The following CHRM2 variants were observed in gnomAD, a reference collection of about 807,000 sequenced individuals.
The protein encoded by CHRM2 is muscarinic acetylcholine receptor M2.
In CHRM2, 8 loss-of-function variants were observed where a neutral mutation model predicts 25.0. That is an observed-to-expected ratio of 0.32 (90% CI 0.19 to 0.58). CHRM2 has a LOEUF of 0.58. CHRM2 is among the 20% of genes least tolerant of loss of function. The pLI, the probability that CHRM2 is intolerant of heterozygous loss-of-function variation, is 0.88. For missense variants in CHRM2, 440 were observed against 567.1 expected, an observed-to-expected ratio of 0.78 and a Z score of 2.28; for synonymous variants, 202 against 205.7, an observed-to-expected ratio of 0.98 and a Z score of 0.15.
chr7:136,953,252 TA>T (rs1563087014), intron 2 of CHRM2, among the ~76,000 whole-genome samples: 1 of 152,148 alleles, frequency 6.6e-6, no homozygotes, highest in Non-Finnish European at 1.5e-5. Flanking sequence ...TCTGACTGTT[TA>T]GAGACTGAGC....
rs1408850981 is a variant in CHRM2 at position 137,016,168 on chromosome 7, A to G, written c.1303A>G (p.Ile435Val). ...GYWLCYINST[I>V]NPACYALCNA... ...CTGGCTTTGTTACATCAACAGCACT[A>G]TCAACCCTGCCTGCTATGCACTTTG... The change falls in exon 4 of 4, where the codon ATC (isoleucine) becomes GTC (valine). Residue 435 changes from isoleucine (I) to valine (V), a missense_variant. Transcript: ENST00000680005. The G allele has an allele frequency of 2.5e-6, 4 of 1,612,970 alleles. No homozygotes were observed. The highest frequency in any genetic ancestry group is 3.4e-6 in the Non-Finnish European group (4 of 1,179,366).
At chr7:136,920,907 G>A (rs981752283) in intron 2 of CHRM2, among the ~76,000 whole-genome samples, 1 of 152,056 alleles carries the variant, frequency 6.6e-6, no homozygotes, top group Non-Finnish European at 1.5e-5. Context: ...ACGTGTGAGA[G>A]GGAGGATATT....
rs542648184 is a variant in CHRM2 at position 137,001,626 on chromosome 7, C to A, written c.-47+9362C>A. Among the ~76,000 whole-genome samples the A allele has an allele frequency of 1.4e-4, 21 of 152,132 alleles. No homozygotes were observed. The South Asian group carries it at 2.7e-3, about 20-fold the overall frequency. On this transcript the variant is annotated intron_variant, in intron 3 of 3. Transcript: ENST00000680005. Reference sequence around the variant, plus strand: ...ATTTAGGGCTAGGATGAGATTTGGCCGTGGCACACTGGAGAGGGCCTTCTC... The same window carrying A: ...ATTTAGGGCTAGGATGAGATTTGGCAGTGGCACACTGGAGAGGGCCTTCTC...
At chr7:136,885,183 C>T (rs1796415360) in intron 2 of CHRM2, among the ~76,000 whole-genome samples, 1 of 152,230 alleles carries the variant, frequency 6.6e-6, no homozygotes, top group Non-Finnish European at 1.5e-5. Flanking sequence ...AATTCTGTGA[C>T]AGTTTATCAT....
At chr7:136,960,553 GTTAACTATAAGTTGTAGAGTAACTGC>G (rs1387952876) in intron 2 of CHRM2, among the ~76,000 whole-genome samples, 1 of 152,222 alleles carries the variant, frequency 6.6e-6, no homozygotes, top group African/African-American at 2.4e-5. Flanking sequence ...AGTAGACTAA[GTTAACTATAAGTTGTAGAGTAACTGC>G]TTAACTATAA....
intron 3 of CHRM2, among the ~76,000 whole-genome samples, chr7:137,000,561 A>AAGGC (rs1803948763): frequency 6.7e-6 from 1 of 148,686 alleles, no homozygotes; most frequent in Admixed American, 6.7e-5. Flanking sequence ...GGAAGGAAGG[A>AAGGC]AGGAAGGAAG....
chr7:136,887,882 G>A (rs1020853784), intron 2 of CHRM2, among the ~76,000 whole-genome samples: 9 of 152,122 alleles, frequency 5.9e-5, no homozygotes, highest in African/African-American at 1.2e-4. Flanking sequence ...CAGATGTGAA[G>A]AGAAAAAGTT....
chr7:136,880,319 C>G (rs1364494), intron 2 of CHRM2, among the ~76,000 whole-genome samples: 48,537 of 151,608 alleles, frequency 0.32, 8,201 homozygotes, highest in African/African-American at 0.4. Context: ...CAGTTTATCC[C>G]CTAAGACTTG....
chr7:136,929,446 C>T (rs1157236169), intron 2 of CHRM2, among the ~76,000 whole-genome samples: 4 of 152,168 alleles, frequency 2.6e-5, no homozygotes, highest in Middle Eastern at 3.4e-3. Context: ...TTGCTGCCTC[C>T]TACCTCTACT....
chr7:136,948,800 C>G (rs1800219354), intron 2 of CHRM2, among the ~76,000 whole-genome samples: 1 of 152,046 alleles, frequency 6.6e-6, no homozygotes, highest in African/African-American at 2.4e-5. Context: ...GTCTTCTCTT[C>G]CACCACAGCT....
intron 2 of CHRM2, among the ~76,000 whole-genome samples, chr7:136,990,542 GCTTGATAACTTA>G (rs1803155747): frequency 6.6e-6 from 1 of 151,952 alleles, no homozygotes. Flanking sequence ...TCTTTTCATG[GCTTGATAACTTA>G]CTTGTTTTTA....
intron 2 of CHRM2, among the ~76,000 whole-genome samples, chr7:136,893,181 C>T (rs1319495546): frequency 3.3e-5 from 5 of 152,240 alleles, no homozygotes; most frequent in African/African-American, 9.6e-5. Context: ...CCACACTACC[C>T]GCTTCCTGTC....
Position 136,916,903 on chromosome 7 carries a change from C to T in CHRM2, c.-125+47485C>T, listed in dbSNP as rs555545628. ...ATATGTGTATACTTTCTTTAGTTAT[C>T]GAGAAACTTAGTCTCAGATCTCAGT... On this transcript the variant is annotated intron_variant, in intron 2 of 3. Coordinates refer to ENST00000680005, the MANE Select transcript of CHRM2 (RefSeq NM_001006630.2). 3.3e-5 allele frequency among the ~76,000 whole-genome samples: 5 copies of T among 151,294 alleles called. No individual in the cohort carries two copies. The South Asian group carries it at 8.3e-4, about 25-fold the overall frequency.
At position 136,879,192 on chromosome 7, in the gene CHRM2, A is replaced by G. The variant is rs549755839; in HGVS notation, c.-125+9774A>G. Among the ~76,000 whole-genome samples the G allele has an allele frequency of 6.6e-5, 10 of 152,098 alleles. No homozygotes were observed. In the South Asian group the frequency reaches 1.9e-3, roughly 28 times the overall value. ...CAGGTATGAAATTTCCAAGGCATAC[A>G]ATATTTATTGATGTTTATATAACAT... On this transcript the variant is annotated intron_variant, in intron 2 of 3. Transcript: ENST00000680005.
chr7:136,957,991 A>G (rs538551275), intron 2 of CHRM2, among the ~76,000 whole-genome samples: 1 of 152,374 alleles, frequency 6.6e-6, no homozygotes, highest in African/African-American at 2.4e-5. Flanking sequence ...ATTTTGAAAA[A>G]TAACAATGAC....
intron 2 of CHRM2, among the ~76,000 whole-genome samples, chr7:136,934,658 C>T (rs1799308223): frequency 6.6e-6 from 1 of 151,784 alleles, no homozygotes; most frequent in African/African-American, 2.4e-5. Flanking sequence ...CCAAAGCCCC[C>T]AAAAAAGATA....
chr7:136,957,684 T>C (rs912942491), intron 2 of CHRM2, among the ~76,000 whole-genome samples: 3 of 152,208 alleles, frequency 2.0e-5, no homozygotes, highest in African/African-American at 7.2e-5. Context: ...ACATATCTAT[T>C]GTGTATTCAC....
chr7:136,914,319 A>G lies in CHRM2; in HGVS notation c.-125+44901A>G, dbSNP rs1205026340. On this transcript the variant is annotated intron_variant, in intron 2 of 3. Coordinates refer to ENST00000680005, the MANE Select transcript of CHRM2 (RefSeq NM_001006630.2). ...GGTTATCTTTGAAAGAAAAACAATT[A>G]CAATTTTCATTCTTTATTGCATATG... is the stretch of plus-strand genomic sequence containing the variant. 4 of 152,000 alleles carry G rather than the reference A, an allele frequency of 2.6e-5. No homozygotes were observed. The East Asian group carries it at 7.7e-4, about 29-fold the overall frequency. 9.4% of individuals were successfully genotyped at this position (152,000 alleles called of 1,614,324 possible). A position where few individuals can be genotyped will look rare whatever the true frequency, so the allele number is the denominator to read the frequency against.
At chr7:136,942,237 G>C (rs1799815110) in intron 2 of CHRM2, among the ~76,000 whole-genome samples, 1 of 152,078 alleles carries the variant, frequency 6.6e-6, no homozygotes, top group African/African-American at 2.4e-5. Flanking sequence ...TTCTCTGAAG[G>C]TCCCCAACAT....
Sources: allele counts gnomAD v4.1 joint callset (sites outside exome capture counted in the v4.1 genomes callset), GRCh38; gene constraint gnomAD v4.1.1; transcripts MANE v1.5; gene names NCBI Gene and HGNC (gene_info 2026-07-23, HGNC 2026-07-21).